NFIA: variants seen among roughly 807,000 people sequenced by gnomAD.
NFIA encodes nuclear factor I A.
A neutral mutation model predicts 62.8 loss-of-function variants in NFIA; 8 were observed. That is an observed-to-expected ratio of 0.13 (90% CI 0.07 to 0.23). The LOEUF (loss-of-function observed/expected upper bound fraction) is 0.23, where lower values mean the gene tolerates loss of function less well. Among genes scored for constraint, NFIA ranks in the 10% least tolerant of loss-of-function variants. NFIA has a pLI of 1.00. For synonymous variants in NFIA, 235 were observed against 238.1 expected (o/e 0.99, Z 0.12); for missense variants, 410 against 642.1 (o/e 0.64, Z 3.91).
chr1:61,414,129 C>T (rs1036783214), intron 9 of NFIA, among the ~76,000 whole-genome samples: 4 of 151,982 alleles, frequency 2.6e-5, no homozygotes, highest in Non-Finnish European at 4.4e-5. Context: ...ATGACAGGTG[C>T]GCACCACCAC....
chr1:61,100,280 C>G (rs369363971), intron 2 of NFIA, among the ~76,000 whole-genome samples: 1 of 152,056 alleles, frequency 6.6e-6, no homozygotes, highest in African/African-American at 2.4e-5. Context: ...AGTTGTAGAC[C>G]GTTATCATTT....
chr1:61,335,240 A>T (rs528591874), intron 4 of NFIA, among the ~76,000 whole-genome samples: 37 of 152,202 alleles, frequency 2.4e-4, no homozygotes, highest in Non-Finnish European at 4.0e-4. Context: ...CTTCAGGCCA[A>T]ACTAGTCGAC....
chr1:61,298,796 A>G (rs1352142839), intron 3 of NFIA, among the ~76,000 whole-genome samples: 1 of 152,180 alleles, frequency 6.6e-6, no homozygotes, highest in Non-Finnish European at 1.5e-5. Flanking sequence ...CAACTTAAAA[A>G]GATTTTTATA....
chr1:61,351,660 G>A (rs1662555372), intron 4 of NFIA, among the ~76,000 whole-genome samples: 1 of 152,154 alleles, frequency 6.6e-6, no homozygotes. Context: ...GACAGAAAAT[G>A]CAAGGAATCA....
rs185884780 is a variant in NFIA at position 61,420,305 on chromosome 1, A to G, written c.1421-6160A>G. ...GTGAGTTCAGTTGTAATGGTTTCAT[A>G]TAGAAATTAGCCGATATATTTTCTA... On this transcript the variant is annotated intron_variant, in intron 9 of 10. Transcript: ENST00000403491. 1.3e-3 allele frequency among the ~76,000 whole-genome samples: 198 copies of G among 152,150 alleles called. 2 individuals are homozygous for G. Among genetic ancestry groups the G allele is most frequent in the African/African-American group, 4.6e-3 (192 of 41,520 alleles).
At chr1:61,273,843 A>G (rs766113665) in intron 2 of NFIA, among the ~76,000 whole-genome samples, 3 of 152,224 alleles carry the variant, frequency 2.0e-5, no homozygotes, top group Non-Finnish European at 2.9e-5. Context: ...GCAATATTCT[A>G]TCTTTGTTTA....
intron 2 of NFIA, among the ~76,000 whole-genome samples, chr1:61,260,309 G>T (rs1374496993): frequency 6.6e-6 from 1 of 152,206 alleles, no homozygotes; most frequent in East Asian, 1.9e-4. Flanking sequence ...GCAGTGAGCA[G>T]GCGCCAGAGA....
chr1:61,198,156 G>A (rs1652168530), intron 2 of NFIA, among the ~76,000 whole-genome samples: 1 of 152,176 alleles, frequency 6.6e-6, no homozygotes, highest in African/African-American at 2.4e-5. Flanking sequence ...AACTTGTGAA[G>A]CTTCAAAGGT....
At chr1:61,453,625 CTG>C (rs1463255583) in intron 10 of NFIA, among the ~76,000 whole-genome samples, 1 of 151,948 alleles carries the variant, frequency 6.6e-6, no homozygotes, top group Non-Finnish European at 1.5e-5. Flanking sequence ...TTGAAGAAGT[CTG>C]GAATTTCACA....
intron 3 of NFIA, among the ~76,000 whole-genome samples, chr1:61,320,473 T>G (rs1430181028): frequency 6.6e-6 from 1 of 152,240 alleles, no homozygotes. Context: ...TTTGTGGTTC[T>G]AAACATTAGC....
chr1:61,430,371 T>C (rs1667048715), intron 10 of NFIA, among the ~76,000 whole-genome samples: 1 of 152,176 alleles, frequency 6.6e-6, no homozygotes, highest in African/African-American at 2.4e-5. Context: ...TTGAGAAAAA[T>C]AATAAAAATC....
intron 2 of NFIA, among the ~76,000 whole-genome samples, chr1:61,219,160 G>A (rs1453509687): frequency 6.6e-6 from 1 of 150,998 alleles, no homozygotes; most frequent in Non-Finnish European, 1.5e-5. Flanking sequence ...TGAACCCACA[G>A]GGCAGAGGTT....
intron 2 of NFIA, among the ~76,000 whole-genome samples, chr1:61,232,669 GA>G (rs1305576470): frequency 3.3e-5 from 5 of 152,190 alleles, no homozygotes; most frequent in Admixed American, 1.3e-4. Flanking sequence ...AATGCACAGA[GA>G]TTTTTTTAAA....
At chr1:61,117,232 T>C (rs1357923457) in intron 2 of NFIA, among the ~76,000 whole-genome samples, 1 of 152,190 alleles carries the variant, frequency 6.6e-6, no homozygotes, top group African/African-American at 2.4e-5. Context: ...TTTTCTCTTA[T>C]AGGCCCGATT....
intron 2 of NFIA, among the ~76,000 whole-genome samples, chr1:61,210,291 C>G (rs1490495380): frequency 1.3e-5 from 2 of 152,122 alleles, no homozygotes; most frequent in Non-Finnish European, 2.9e-5. Context: ...TGATAGGTAG[C>G]AAAGGTGATG....
chr1:61,284,788 A>G (rs1371198212), intron 3 of NFIA, among the ~76,000 whole-genome samples: 1 of 150,870 alleles, frequency 6.6e-6, no homozygotes, highest in Admixed American at 6.6e-5. Flanking sequence ...TCCCCTCCCC[A>G]CTCCCCCCAC....
At chr1:61,261,347 A>G (rs1398267654) in intron 2 of NFIA, among the ~76,000 whole-genome samples, 3 of 152,244 alleles carry the variant, frequency 2.0e-5, no homozygotes, top group Admixed American at 6.5e-5. Context: ...TTGATTACCC[A>G]TACAATACTG....
chr1:61,259,732 C>T (rs940702000), intron 2 of NFIA, among the ~76,000 whole-genome samples: 1 of 151,792 alleles, frequency 6.6e-6, no homozygotes, highest in African/African-American at 2.4e-5. Context: ...AGGTTGTTGG[C>T]GTAAACAAGG....
chr1:61,101,521 A>G (rs1570153086), intron 2 of NFIA, among the ~76,000 whole-genome samples: 1 of 152,266 alleles, frequency 6.6e-6, no homozygotes, highest in East Asian at 1.9e-4. Context: ...ATATAAAACA[A>G]ATAGCGTTAT....
Sources: gnomAD v4.1 joint callset for allele counts (sites outside exome capture counted in the v4.1 genomes callset) on GRCh38, gnomAD v4.1.1 for gene constraint, MANE v1.5 for transcripts, NCBI Gene and HGNC (gene_info 2026-07-23, HGNC 2026-07-21) for gene names.